The following CHRM3 variants were observed in gnomAD, a reference collection of about 807,000 sequenced individuals.
CHRM3 encodes the protein muscarinic acetylcholine receptor M3.
Under a neutral mutation model 41.8 loss-of-function variants are expected in CHRM3, and 11 were observed. That is an observed-to-expected ratio of 0.26 (90% confidence interval 0.17 to 0.44). CHRM3 has a LOEUF of 0.44. Ranked by LOEUF, CHRM3 falls within the 20% of genes least tolerant of loss-of-function variation. CHRM3 has a pLI of 1.00. For synonymous variants in CHRM3, 297 were observed against 301.4 expected (o/e 0.99, Z 0.15); for missense variants, 571 against 745.4 (o/e 0.77, Z 2.72).
At chr1:239,691,808 A>T (rs1420490568) in intron 5 of CHRM3, among the ~76,000 whole-genome samples, 1 of 152,180 alleles carries the variant, frequency 6.6e-6, no homozygotes, top group Non-Finnish European at 1.5e-5. Flanking sequence ...GTGAAATAGG[A>T]TGTCTGCTTT....
Position 239,404,719 on chromosome 1 carries a change from AATATATATATATATATATATATAT to A in CHRM3, c.-521+17507_-521+17530del, listed in dbSNP as rs67746016. On this transcript the variant is annotated intron_variant, in intron 1 of 6. Coordinates refer to ENST00000676153, the MANE Select transcript of CHRM3 (RefSeq NM_001375978.1). Reference sequence around the variant, plus strand: ...CATTAAATGTATCATGCTATATCTAAATATATATATATATATATATATATATATATATATATATGGAAAATATGG... The same window carrying A: ...CATTAAATGTATCATGCTATATCTAAATATATATATATATGGAAAATATGG... 7.3e-4 allele frequency among the ~76,000 whole-genome samples: 71 copies of A among 97,354 alleles called. 1 individual carries two copies. The highest frequency in any genetic ancestry group is 2.2e-3 in the African/African-American group (55 of 25,546). The allele number at this position is 97,354 out of a possible 152,430, so 63.9% of individuals were successfully genotyped here.
rs554126003 is a variant in CHRM3 at position 239,782,116 on chromosome 1, T to C, written c.-146-45136T>C. On this transcript the variant is annotated intron_variant, in intron 5 of 6. Transcript: ENST00000676153. ...TTGTCTAGTTTTGGTATTAGGATAA[T>C]GTTAGCCTCATAGAGTGTATTAGTA... 4.6e-5 allele frequency among the ~76,000 whole-genome samples: 7 copies of C among 152,268 alleles called. No individual in the cohort carries two copies. The South Asian group carries it at 1.5e-3, about 32-fold the overall frequency.
chr1:239,404,408 GAAAAAGAAAGAAAGAAAGAAAGAA>G (rs1660338696), intron 1 of CHRM3, among the ~76,000 whole-genome samples: 18 of 38,820 alleles, frequency 4.6e-4, no homozygotes, highest in South Asian at 3.1e-3. Context: ...AAGAAAGAAA[GAAAAAGAAAGAAAGAAAGAAAGAA>G]AGAAAGAAAG....
At chr1:239,869,261 T>C (rs540749966) in intron 6 of CHRM3, among the ~76,000 whole-genome samples, 1 of 152,202 alleles carries the variant, frequency 6.6e-6, no homozygotes, top group South Asian at 2.1e-4. Context: ...CATCAGGAGT[T>C]CTTGGAGGAA....
chr1:239,810,369 A>G (rs911571214), intron 5 of CHRM3, among the ~76,000 whole-genome samples: 4 of 152,174 alleles, frequency 2.6e-5, no homozygotes, highest in Admixed American at 2.6e-4. Flanking sequence ...CACAGCCTGT[A>G]GTTTCCCCAG....
intron 3 of CHRM3, among the ~76,000 whole-genome samples, chr1:239,602,731 T>A (rs1299949107): frequency 6.6e-6 from 1 of 152,186 alleles, no homozygotes; most frequent in East Asian, 1.9e-4. Flanking sequence ...GTTTATAAAC[T>A]TTGCTTTTTC....
chr1:239,869,074 C>T lies in CHRM3; in HGVS notation c.-19-38359C>T, dbSNP rs74458216. Among the ~76,000 whole-genome samples the T allele has an allele frequency of 1.4e-3, 207 of 152,216 alleles. 1 individual carries two copies. The highest frequency in any genetic ancestry group is 4.6e-3 in the African/African-American group (190 of 41,540). ...GGCTGCAGCCTAGCTTTCTGCCTGA[C>T]GCCTAGAAACCCTGCACCCCAAACT... On this transcript the variant is annotated intron_variant, in intron 6 of 6. Transcript: ENST00000676153.
intron 5 of CHRM3, among the ~76,000 whole-genome samples, chr1:239,761,921 A>G (rs1036343937): frequency 3.9e-5 from 6 of 151,996 alleles, no homozygotes; most frequent in African/African-American, 1.2e-4. Flanking sequence ...CAGTCTCTCC[A>G]ATTCAGCAAG....
chr1:239,390,113 TG>T (rs1433444723), intron 1 of CHRM3, among the ~76,000 whole-genome samples: 2 of 152,238 alleles, frequency 1.3e-5, no homozygotes, highest in East Asian at 3.8e-4. Flanking sequence ...GAATTTAAAA[TG>T]TATTCTCCTT....
intron 5 of CHRM3, among the ~76,000 whole-genome samples, chr1:239,796,537 G>A (rs1669786806): frequency 6.6e-6 from 1 of 151,976 alleles, no homozygotes; most frequent in African/African-American, 2.4e-5. Context: ...ACATTTTGGT[G>A]CAATTAAGTA....
At position 239,910,304 on chromosome 1, in the gene CHRM3, A is replaced by AAT. The variant is rs201823094; in HGVS notation, c.*1091_*1092dup. ...GTCACGTTTGAATGTCATACACAGC[A>AAT]ATATATATATATGTGTATATATATA... On this transcript the variant is annotated 3_prime_UTR_variant, in exon 7 of 7. Transcript: ENST00000676153. 3.6e-3 allele frequency: 583 copies of AAT among 159,728 alleles called. 4 individuals are homozygous for AAT. The highest frequency in any genetic ancestry group is 9.9e-3 in the African/African-American group (393 of 39,632). The allele number at this position is 159,728 out of a possible 1,614,324, so 9.9% of individuals were successfully genotyped here. A position where few individuals can be genotyped will look rare whatever the true frequency, so the allele number is the denominator to read the frequency against.
intron 3 of CHRM3, among the ~76,000 whole-genome samples, chr1:239,618,518 T>A (rs7546526): frequency 0.76 from 114,780 of 151,044 alleles, 44,725 homozygotes; most frequent in African/African-American, 0.94. Flanking sequence ...GGAATCTTCG[T>A]GGAAAAATGA....
intron 6 of CHRM3, among the ~76,000 whole-genome samples, chr1:239,860,390 A>T (rs907350218): frequency 6.6e-6 from 1 of 152,208 alleles, no homozygotes; most frequent in African/African-American, 2.4e-5. Context: ...AAAAGCATAC[A>T]TGCATTTTAA....
chr1:239,606,645 T>C (rs12119540), intron 3 of CHRM3, among the ~76,000 whole-genome samples: 46,995 of 152,010 alleles, frequency 0.31, 7,363 homozygotes, highest in African/African-American at 0.33. Context: ...GTTGCCCCAA[T>C]AATTTTTAAG....
chr1:239,526,507 T>TGACACA (rs1431941240), intron 2 of CHRM3, among the ~76,000 whole-genome samples: 4 of 152,278 alleles, frequency 2.6e-5, no homozygotes, highest in African/African-American at 9.6e-5. Context: ...GGCCTGGGTG[T>TGACACA]CAGTATTTGC....
At chr1:239,575,068 A>T (rs1662205623) in intron 3 of CHRM3, among the ~76,000 whole-genome samples, 1 of 152,222 alleles carries the variant, frequency 6.6e-6, no homozygotes, top group Non-Finnish European at 1.5e-5. Context: ...AAAAATAAAT[A>T]TGTTGGTAGA....
chr1:239,729,225 A>G (rs551720863), intron 5 of CHRM3, among the ~76,000 whole-genome samples: 1 of 152,034 alleles, frequency 6.6e-6, no homozygotes, highest in Admixed American at 6.6e-5. Context: ...AAATAATAAT[A>G]ATTTTGTTAA....
At chr1:239,797,521 AC>A (rs1572328607) in intron 5 of CHRM3, among the ~76,000 whole-genome samples, 1 of 152,132 alleles carries the variant, frequency 6.6e-6, no homozygotes, top group Non-Finnish European at 1.5e-5. Context: ...AATAGAAATG[AC>A]TTTATGTGTT....
At chr1:239,851,248 GT>G (rs1674673252) in intron 6 of CHRM3, among the ~76,000 whole-genome samples, 1 of 152,222 alleles carries the variant, frequency 6.6e-6, no homozygotes, top group South Asian at 2.1e-4. Flanking sequence ...GCAATCTGGT[GT>G]TTTTTAAATT....
Sources: gnomAD v4.1 joint callset for allele counts (sites outside exome capture counted in the v4.1 genomes callset) on GRCh38, gnomAD v4.1.1 for gene constraint, MANE v1.5 for transcripts, NCBI Gene and HGNC (gene_info 2026-07-23, HGNC 2026-07-21) for gene names.